PDE11A: variants seen among roughly 807,000 people sequenced by gnomAD.
The protein encoded by PDE11A is dual 3',5'-cyclic-AMP and -GMP phosphodiesterase 11A.
A neutral mutation model predicts 100.5 loss-of-function variants in PDE11A; 100 were observed. The ratio of observed to expected loss-of-function variants is 1.00; its 90% CI spans 0.85 to 1.18. PDE11A has a LOEUF of 1.18. PDE11A is among the 50% of genes most tolerant of loss of function. The pLI is 0.00. For missense variants in PDE11A, 1,141 were observed against 1,152.6 expected, an observed-to-expected ratio of 0.99 and a Z score of 0.15; for synonymous variants, 381 against 420.8, an observed-to-expected ratio of 0.91 and a Z score of 1.16.
intron 6 of PDE11A, among the ~76,000 whole-genome samples, chr2:177,828,440 T>C (rs1364783076): frequency 2.6e-5 from 4 of 152,118 alleles, no homozygotes; most frequent in East Asian, 1.9e-4. Flanking sequence ...CTCACCTTCA[T>C]AGAGCTTACA....
At position 177,669,535 on chromosome 2, in the gene PDE11A, T is replaced by C; in HGVS notation, c.2520A>G (p.Glu840=). 6.8e-7 allele frequency: 1 copy of C among 1,477,862 alleles called. No individual in the cohort carries two copies. The highest frequency in any genetic ancestry group is 2.3e-5 in the East Asian group (1 of 44,276). 91.5% of individuals were successfully genotyped at this position (1,477,862 alleles called of 1,614,324 possible). Residue 840 remains glutamate (E), a synonymous_variant, in exon 18 of 20, where the codon GAA becomes GAG. Coordinates refer to ENST00000286063, the MANE Select transcript of PDE11A (RefSeq NM_016953.4). ...VAELVTSEFF[E]QGDRERLELK... ...GCTCTAATCTCTCCCGATCTCCTTG[T>C]TCGAAGAACTCACTGGTTACAAGTT... is the stretch of plus-strand genomic sequence containing the variant.
chr2:177,937,843 C>T (rs183135288), intron 2 of PDE11A, among the ~76,000 whole-genome samples: 62 of 152,100 alleles, frequency 4.1e-4, no homozygotes, highest in Non-Finnish European at 5.9e-4. Flanking sequence ...TCTCTTTTTC[C>T]AAGAAATAGA....
intron 5 of PDE11A, among the ~76,000 whole-genome samples, chr2:177,867,266 A>T (rs1234886160): frequency 2.0e-5 from 3 of 152,218 alleles, no homozygotes; most frequent in Admixed American, 2.0e-4. Flanking sequence ...TCTGATTCCC[A>T]AAAGCTTCAC....
chr2:177,838,690 G>A (rs1262177674), intron 6 of PDE11A, among the ~76,000 whole-genome samples: 2 of 152,110 alleles, frequency 1.3e-5, no homozygotes, highest in Admixed American at 6.5e-5. Context: ...GGCCTACAGG[G>A]GAGAAGAGAC....
At chr2:178,035,300 C>T (rs896857608) in intron 1 of PDE11A, among the ~76,000 whole-genome samples, 27 of 152,148 alleles carry the variant, frequency 1.8e-4, no homozygotes, top group African/African-American at 6.5e-4. Flanking sequence ...TTCCTGGACA[C>T]ATACACCCTC....
Position 177,677,522 on chromosome 2 carries a change from C to T in PDE11A, c.2424-2004G>A, listed in dbSNP as rs537918371. On this transcript the variant is annotated intron_variant, in intron 16 of 19. Transcript: ENST00000286063. The stretch of plus-strand genomic sequence containing the variant: ...CTTTGTCCATCTGGCACTGGGGAGT[C>T]AACTAAGCCTGGGGACTCAGGAGGG... 2.6e-5 allele frequency among the ~76,000 whole-genome samples: 4 copies of T among 152,172 alleles called. No homozygotes were observed. The South Asian group carries it at 8.3e-4, about 32-fold the overall frequency.
At chr2:177,724,898 A>G (rs1383213814) in intron 12 of PDE11A, among the ~76,000 whole-genome samples, 1 of 152,056 alleles carries the variant, frequency 6.6e-6, no homozygotes, top group East Asian at 1.9e-4. Context: ...GTGCTTTCTT[A>G]GCCTTATGAC....
chr2:177,688,103 CT>C (rs1176754488), intron 15 of PDE11A: 1 of 152,236 alleles, frequency 6.6e-6, no homozygotes, highest in Non-Finnish European at 1.5e-5. Context: ...GGCCAGATAG[CT>C]TTTCATGTTG....
chr2:177,889,510 A>G (rs939907737), intron 4 of PDE11A, among the ~76,000 whole-genome samples: 1 of 151,334 alleles, frequency 6.6e-6, no homozygotes, highest in African/African-American at 2.4e-5. Flanking sequence ...TCCATTTGCC[A>G]TGTTCTCTTT....
chr2:177,777,651 A>C (rs2082396701), intron 9 of PDE11A, among the ~76,000 whole-genome samples: 1 of 152,208 alleles, frequency 6.6e-6, no homozygotes, highest in East Asian at 1.9e-4. Flanking sequence ...AAAATGCTTT[A>C]ATTGAATGCA....
chr2:177,935,340 T>C (rs1371199906), intron 2 of PDE11A, among the ~76,000 whole-genome samples: 1 of 152,088 alleles, frequency 6.6e-6, no homozygotes, highest in Non-Finnish European at 1.5e-5. Flanking sequence ...TTGGAAATTG[T>C]TGGGCTAAAT....
At chr2:177,846,847 T>C (rs1180087517) in intron 5 of PDE11A, among the ~76,000 whole-genome samples, 1 of 152,202 alleles carries the variant, frequency 6.6e-6, no homozygotes, top group African/African-American at 2.4e-5. Context: ...TAATCTCAAA[T>C]GGAGCACCAT....
intron 5 of PDE11A, among the ~76,000 whole-genome samples, chr2:177,873,303 T>C (rs1276284039): frequency 6.6e-6 from 1 of 152,188 alleles, no homozygotes; most frequent in Non-Finnish European, 1.5e-5. Context: ...AGGTCATGAA[T>C]AGCTAAAGAT....
intron 2 of PDE11A, among the ~76,000 whole-genome samples, chr2:177,972,098 G>C (rs2105797853): frequency 6.6e-6 from 1 of 152,278 alleles, no homozygotes; most frequent in Middle Eastern, 3.4e-3. Flanking sequence ...TTGTATAATA[G>C]GTGAGCAGAG....
intron 1 of PDE11A, among the ~76,000 whole-genome samples, chr2:178,047,375 A>G (rs546516967): frequency 6.6e-6 from 1 of 151,998 alleles, no homozygotes; most frequent in East Asian, 1.9e-4. Flanking sequence ...AGGCAGGAGA[A>G]TAGCTTGAAC....
intron 9 of PDE11A, among the ~76,000 whole-genome samples, chr2:177,777,758 A>G (rs758482640): frequency 6.6e-6 from 1 of 152,206 alleles, no homozygotes; most frequent in Non-Finnish European, 1.5e-5. Context: ...TATTACTATA[A>G]CGTACATATC....
intron 19 of PDE11A, among the ~76,000 whole-genome samples, 200 bp downstream of exon 19, chr2:177,663,666 G>C (rs2080521067): frequency 6.6e-6 from 1 of 152,160 alleles, no homozygotes; most frequent in African/African-American, 2.4e-5. Context: ...AGAAAGTGGA[G>C]AACGCAGGTC....
Position 177,654,309 on chromosome 2 carries a change from C to G in PDE11A, c.2646+9557G>C, listed in dbSNP as rs186903570. On this transcript the variant is annotated intron_variant, in intron 19 of 19. Transcript: ENST00000286063. Reference sequence around the variant, plus strand: ...CCAAGGTGGGCAGATCACTTTAGCTCAGGGGTTGGAGACCAGCTTGGGCAA... The same window carrying G: ...CCAAGGTGGGCAGATCACTTTAGCTGAGGGGTTGGAGACCAGCTTGGGCAA... 4.5e-4 allele frequency among the ~76,000 whole-genome samples: 68 copies of G among 152,244 alleles called. 1 individual carries two copies. The highest frequency in any genetic ancestry group is 1.6e-3 in the African/African-American group (67 of 41,530).
intron 5 of PDE11A, among the ~76,000 whole-genome samples, chr2:177,851,667 T>C (rs2083708423): frequency 6.6e-6 from 1 of 152,208 alleles, no homozygotes; most frequent in Non-Finnish European, 1.5e-5. Context: ...ATTGTGTGGT[T>C]TCATGCACAA....
Sources: allele counts gnomAD v4.1 joint callset (sites outside exome capture counted in the v4.1 genomes callset), GRCh38; gene constraint gnomAD v4.1.1; transcripts MANE v1.5; gene names NCBI Gene and HGNC (gene_info 2026-07-23, HGNC 2026-07-21).